Variants in ZHX2 observed in about 807,000 individuals in gnomAD.
ZHX2 encodes the protein zinc fingers and homeoboxes 2, also known as zinc fingers and homeoboxes protein 2.
ZHX2 carries 6 observed loss-of-function variants against 21.9 expected under a neutral mutation model. That is an observed-to-expected ratio of 0.27 (90% CI 0.15 to 0.54). The LOEUF (loss-of-function observed/expected upper bound fraction) is 0.54. ZHX2 is among the 20% of genes least tolerant of loss of function. The pLI, the probability that ZHX2 is intolerant of heterozygous loss-of-function variation, is 0.95. For missense variants in ZHX2, 908 were observed against 1,090.7 expected, an observed-to-expected ratio of 0.83 and a Z score of 2.36; for synonymous variants, 434 against 437.1, an observed-to-expected ratio of 0.99 and a Z score of 0.09.
At chr8:122,800,837 G>A (rs973655688) in intron 1 of ZHX2, among the ~76,000 whole-genome samples, 1 of 152,220 alleles carries the variant, frequency 6.6e-6, no homozygotes, top group East Asian at 1.9e-4. Flanking sequence ...AAAACCATGT[G>A]GGGGAGCTTG....
At chr8:122,867,921 G>A (rs1197282018) in intron 2 of ZHX2, among the ~76,000 whole-genome samples, 1 of 152,148 alleles carries the variant, frequency 6.6e-6, no homozygotes, top group Non-Finnish European at 1.5e-5. Context: ...AATGACTCCT[G>A]TTAGTTTTTC....
At chr8:122,835,415 G>A (rs560449705) in intron 1 of ZHX2, among the ~76,000 whole-genome samples, 2 of 152,308 alleles carry the variant, frequency 1.3e-5, no homozygotes, top group African/African-American at 4.8e-5. Context: ...GGGGCGTAAG[G>A]TGGTGGGATG....
At chr8:122,875,131 A>T (rs10096957) in intron 2 of ZHX2, among the ~76,000 whole-genome samples, 6,488 of 10,004 alleles carry the variant, frequency 0.65, 1,673 homozygotes, top group African/African-American at 0.75. Context: ...AAACTCTGTT[A>T]TATATATATA....
chr8:122,783,214 C>T (rs1227012134), intron 1 of ZHX2, among the ~76,000 whole-genome samples: 3 of 152,140 alleles, frequency 2.0e-5, no homozygotes. Flanking sequence ...TTTTGTTTGT[C>T]TGGGGCGTGG....
intron 3 of ZHX2, among the ~76,000 whole-genome samples, chr8:122,955,151 T>A (rs1046652044): frequency 6.7e-6 from 1 of 149,114 alleles, no homozygotes; most frequent in Admixed American, 6.8e-5. Flanking sequence ...ACTGAAGCCC[T>A]TGGTATTCTG....
chr8:122,927,846 G>A (rs578244968), intron 2 of ZHX2, among the ~76,000 whole-genome samples: 114 of 152,268 alleles, frequency 7.5e-4, no homozygotes, highest in African/African-American at 2.6e-3. Context: ...ATCCCATTGC[G>A]TTAGAAATCA....
chr8:122,853,682 G>A (rs529015875), intron 1 of ZHX2, among the ~76,000 whole-genome samples: 1 of 151,892 alleles, frequency 6.6e-6, no homozygotes, highest in Non-Finnish European at 1.5e-5. Context: ...CCCTTCTCTG[G>A]CTGGCAATTT....
chr8:122,850,919 C>T (rs1023339919), intron 1 of ZHX2, among the ~76,000 whole-genome samples: 4 of 152,196 alleles, frequency 2.6e-5, no homozygotes, highest in African/African-American at 4.8e-5. Context: ...GCCCCTCTGT[C>T]ACTGTGCTGC....
intron 2 of ZHX2, among the ~76,000 whole-genome samples, chr8:122,883,518 C>T (rs1025942438): frequency 6.6e-6 from 1 of 152,134 alleles, no homozygotes; most frequent in Admixed American, 6.5e-5. Context: ...CACACTTATA[C>T]CATAATGCAA....
At chr8:122,809,658 GTGCC>G (rs1450490500) in intron 1 of ZHX2, among the ~76,000 whole-genome samples, 5 of 152,172 alleles carry the variant, frequency 3.3e-5, no homozygotes, top group Non-Finnish European at 7.4e-5. Context: ...AGAAACCAAT[GTGCC>G]TGAGGGGACC....
At chr8:122,809,683 C>A (rs1227609244) in intron 1 of ZHX2, among the ~76,000 whole-genome samples, 1 of 152,116 alleles carries the variant, frequency 6.6e-6, no homozygotes, top group African/African-American at 2.4e-5. Context: ...CGAACCACAC[C>A]CTTGCCCCAC....
chr8:122,916,580 G>C (rs895243882), intron 2 of ZHX2, among the ~76,000 whole-genome samples: 1 of 152,102 alleles, frequency 6.6e-6, no homozygotes, highest in East Asian at 1.9e-4. Flanking sequence ...TTATGTGTAT[G>C]TGTACACACA....
chr8:122,862,602 G>A (rs1223486849), intron 1 of ZHX2, among the ~76,000 whole-genome samples: 1 of 152,172 alleles, frequency 6.6e-6, no homozygotes, highest in Non-Finnish European at 1.5e-5. Context: ...GGGGCCTGGC[G>A]CGTGGTAAGT....
At chr8:122,787,333 A>G (rs1013984743) in intron 1 of ZHX2, among the ~76,000 whole-genome samples, 1 of 152,134 alleles carries the variant, frequency 6.6e-6, no homozygotes. Flanking sequence ...CACTTAGTGG[A>G]GATTAATCTT....
chr8:122,882,048 C>T (rs949740183), intron 2 of ZHX2, among the ~76,000 whole-genome samples: 1 of 152,118 alleles, frequency 6.6e-6, no homozygotes, highest in Admixed American at 6.5e-5. Flanking sequence ...CATGTCCCCC[C>T]TCCTCGAAAA....
intron 1 of ZHX2, among the ~76,000 whole-genome samples, chr8:122,821,759 C>T (rs909893069): frequency 2.0e-5 from 3 of 152,056 alleles, no homozygotes; most frequent in East Asian, 1.9e-4. Flanking sequence ...GGCTGGAGTG[C>T]GGTGGCGCGA....
intron 3 of ZHX2, among the ~76,000 whole-genome samples, chr8:122,958,193 AAGCTTAGGAC>A (rs1813356204): frequency 6.6e-6 from 1 of 152,190 alleles, no homozygotes; most frequent in Admixed American, 6.5e-5. Context: ...AACCTCTGCA[AAGCTTAGGAC>A]AGCATTTGAC....
intron 1 of ZHX2, among the ~76,000 whole-genome samples, chr8:122,793,539 A>G (rs1817562115): frequency 6.6e-6 from 1 of 152,220 alleles, no homozygotes; most frequent in Non-Finnish European, 1.5e-5. Flanking sequence ...ATAGTGAGCC[A>G]AGTAGGGGCC....
At chr8:122,887,295 C>G (rs868612445) in intron 2 of ZHX2, among the ~76,000 whole-genome samples, 1 of 151,894 alleles carries the variant, frequency 6.6e-6, no homozygotes, top group Non-Finnish European at 1.5e-5. Flanking sequence ...GGGTGGATCA[C>G]TTGAGGTCAG....
Sources: gnomAD v4.1 joint callset for allele counts (sites outside exome capture counted in the v4.1 genomes callset) on GRCh38, gnomAD v4.1.1 for gene constraint, MANE v1.5 for transcripts, NCBI Gene and HGNC (gene_info 2026-07-23, HGNC 2026-07-21) for gene names.